C2CD5: variants seen among roughly 807,000 people sequenced by gnomAD.
The protein encoded by C2CD5 is C2 calcium dependent domain containing 5, also known as C2 domain-containing protein 5.
C2CD5 carries 109 observed loss-of-function variants against 130.3 expected under a neutral mutation model. That is an observed-to-expected ratio of 0.84 (90% CI 0.72 to 0.98). C2CD5 has a LOEUF of 0.98. C2CD5 is among the 50% of genes least tolerant of loss of function. The probability of loss-of-function intolerance (pLI) is 0.00; values close to 1 mark genes in which losing one functional copy is unlikely to be tolerated. For synonymous variants in C2CD5, 454 were observed against 429.2 expected (o/e 1.06, Z -0.71); for missense variants, 996 against 1,261.8 (o/e 0.79, Z 3.19).
At chr12:22,474,208 G>A (rs1383572704) in intron 16 of C2CD5, among the ~76,000 whole-genome samples, 1 of 152,120 alleles carries the variant, frequency 6.6e-6, no homozygotes. Flanking sequence ...TTCTACAGGG[G>A]AGTGCAGAGG....
intron 15 of C2CD5, among the ~76,000 whole-genome samples, chr12:22,475,234 A>G (rs1233721115): frequency 6.6e-6 from 1 of 152,162 alleles, no homozygotes; most frequent in Non-Finnish European, 1.5e-5. Context: ...CAGCATTATA[A>G]AAGTCCTAAT....
At chr12:22,534,402 T>C (rs1010778205) in intron 3 of C2CD5, among the ~76,000 whole-genome samples, 3 of 152,184 alleles carry the variant, frequency 2.0e-5, no homozygotes, top group African/African-American at 7.2e-5. Context: ...TTAAAACTTT[T>C]GCGCATCAAA....
At chr12:22,536,182 T>C (rs557959765) in intron 2 of C2CD5, among the ~76,000 whole-genome samples, 2 of 151,700 alleles carry the variant, frequency 1.3e-5, no homozygotes, top group East Asian at 3.9e-4. Flanking sequence ...TAGTTATATG[T>C]CTGTATATGC....
intron 26 of C2CD5, 75 bp from the exon 27 acceptor site, chr12:22,449,966 G>A (rs1938187368): frequency 5.9e-6 from 7 of 1,191,784 alleles, no homozygotes; most frequent in Admixed American, 2.0e-5. Flanking sequence ...AAGGGGCAGT[G>A]CTGTACAGCC....
chr12:22,454,300 CT>C (rs1169639013), intron 25 of C2CD5, among the ~76,000 whole-genome samples: 11 of 152,106 alleles, frequency 7.2e-5, no homozygotes, highest in African/African-American at 2.7e-4. Context: ...TTGCCCATGA[CT>C]AGCTATGATC....
intron 2 of C2CD5, among the ~76,000 whole-genome samples, chr12:22,539,431 T>C (rs1239926861): frequency 1.3e-5 from 2 of 152,180 alleles, no homozygotes; most frequent in African/African-American, 4.8e-5. Context: ...CAAGGATTCA[T>C]CCTGTTTCTC....
chr12:22,521,381 A>T (rs1430180875), intron 7 of C2CD5, among the ~76,000 whole-genome samples: 1 of 152,216 alleles, frequency 6.6e-6, no homozygotes, highest in Non-Finnish European at 1.5e-5. Context: ...ATCCCAGAAG[A>T]TTTACACTAA....
chr12:22,469,303 T>G (rs1942625617), intron 22 of C2CD5, among the ~76,000 whole-genome samples: 1 of 151,712 alleles, frequency 6.6e-6, no homozygotes. Context: ...ATGTATCTTC[T>G]GGAAAAAAAA....
rs183388675 is a variant in C2CD5 at position 22,540,088 on chromosome 12, A to G, written c.90+3973T>C. Reference sequence around the variant, plus strand: ...TCGGGTTTCAATGTACATAATTGTCAAGAACTACAACCATCATGTAAATCA... The same window carrying G: ...TCGGGTTTCAATGTACATAATTGTCGAGAACTACAACCATCATGTAAATCA... On this transcript the variant is annotated intron_variant, in intron 2 of 26. Transcript: ENST00000446597. Among the ~76,000 whole-genome samples, 851 of 152,274 alleles carry G rather than the reference A, an allele frequency of 5.6e-3. 20 individuals are homozygous for G. Among genetic ancestry groups the G allele is most frequent in the Non-Finnish European group, 4.9e-3 (334 of 68,020 alleles).
Position 22,544,321 on chromosome 12 carries a change from G to A in C2CD5, c.-31C>T. ...GTCGCGCCACGGGTCGCCACTCACT[G>A]TCGCAGGAGGAAGGGTGCTGTCCCG... On this transcript the variant is annotated splice_region_variant and 5_prime_UTR_variant, in exon 1 of 27. It introduces an in-frame stop codon into an upstream open reading frame of the 5' UTR. Transcript: ENST00000446597. The A allele has an allele frequency of 1.9e-6, 1 of 535,720 alleles. No individual in the cohort carries two copies. The highest frequency in any genetic ancestry group is 3.2e-6 in the Non-Finnish European group (1 of 310,308). The allele number at this position is 535,720 out of a possible 1,614,324, so 33.2% of individuals were successfully genotyped here.
At chr12:22,466,558 ACT>A (rs1942115456) in intron 22 of C2CD5, among the ~76,000 whole-genome samples, 1 of 152,026 alleles carries the variant, frequency 6.6e-6, no homozygotes, top group Non-Finnish European at 1.5e-5. Context: ...CATTTTTAAG[ACT>A]CTATTATATT....
At position 22,525,627 on chromosome 12, in the gene C2CD5, C is replaced by T; in HGVS notation, c.428G>A (p.Gly143Glu). 1 of 1,546,702 alleles carries T rather than the reference C, an allele frequency of 6.5e-7. No homozygotes were observed. Among genetic ancestry groups the T allele is most frequent in the Non-Finnish European group, 8.9e-7 (1 of 1,119,232 alleles). The change falls in exon 5 of 27, where the codon GGA (glycine) becomes GAA (glutamate). Residue 143 changes from glycine to glutamate, a missense_variant. Physicochemically the swap from Gly to Glu is moderately conservative, Grantham distance 98. Around this residue, in one of 9 missense-constraint regions of C2CD5, gnomAD observed 49 missense variants for 52.0 expected, o/e 0.94. Coordinates refer to ENST00000446597, the MANE Select transcript of C2CD5 (RefSeq NM_001286176.2). Reference sequence around the variant, plus strand: ...TTACTTACTGCAAAAGAATTTGACTCCACATGATGACTGCCTAAATCGATT... The same window carrying T: ...TTACTTACTGCAAAAGAATTTGACTTCACATGATGACTGCCTAAATCGATT... ...DLNRFRQSSC[G>E]VKFFCTTSIP...
intron 10 of C2CD5, among the ~76,000 whole-genome samples, chr12:22,503,853 G>T (rs1245433384): frequency 6.6e-6 from 1 of 151,990 alleles, no homozygotes; most frequent in Non-Finnish European, 1.5e-5. Context: ...AGAACCATTA[G>T]AATAATTACA....
chr12:22,544,153 T>G lies in C2CD5; in HGVS notation c.-3A>C, dbSNP rs749449458. 1.0e-4 allele frequency: 162 copies of G among 1,613,738 alleles called. No homozygotes were observed. Among genetic ancestry groups the G allele is most frequent in the Non-Finnish European group, 1.3e-4 (158 of 1,179,846 alleles). On this transcript the variant is annotated 5_prime_UTR_variant, in exon 2 of 27. Coordinates refer to ENST00000446597, the MANE Select transcript of C2CD5 (RefSeq NM_001286176.2). ...TTCACCTTCAGCTTCCCTGGCATGGTCTCGGTTTCGGCCTCTTCTTGGGCT... is the reference window on the plus strand; with the variant it reads ...TTCACCTTCAGCTTCCCTGGCATGGGCTCGGTTTCGGCCTCTTCTTGGGCT...
At chr12:22,540,569 T>C (rs1034094501) in intron 2 of C2CD5, among the ~76,000 whole-genome samples, 2 of 152,136 alleles carry the variant, frequency 1.3e-5, no homozygotes, top group Admixed American at 6.5e-5. Context: ...ATTAAAATAA[T>C]AACAACAGGC....
chr12:22,474,739 A>G lies in C2CD5; in HGVS notation c.2043+12T>C, dbSNP rs766325601. The G allele has an allele frequency of 5.1e-5, 81 of 1,583,362 alleles. No homozygotes were observed. The highest frequency in any genetic ancestry group is 3.3e-4 in the Admixed American group (18 of 55,252). On this transcript the variant is annotated intron_variant, in intron 16 of 26. Transcript: ENST00000446597. ...CCAAAACCTTTAAGAAATTAGTCCAATGCCACATTACCTCCAAAACAAAAG... is the reference window on the plus strand; with the variant it reads ...CCAAAACCTTTAAGAAATTAGTCCAGTGCCACATTACCTCCAAAACAAAAG...
chr12:22,488,095 A>T (rs1008086334), intron 12 of C2CD5, among the ~76,000 whole-genome samples: 1 of 152,046 alleles, frequency 6.6e-6, no homozygotes, highest in Admixed American at 6.6e-5. Flanking sequence ...CCTAATGTTA[A>T]ATGACGAGTT....
chr12:22,514,001 A>AAACAAAAAACC (rs1364199426), intron 8 of C2CD5, among the ~76,000 whole-genome samples: 1 of 152,236 alleles, frequency 6.6e-6, no homozygotes, highest in African/African-American at 2.4e-5. Flanking sequence ...ACAGACATGT[A>AAACAAAAAACC]ATAGACACAT....
intron 3 of C2CD5, among the ~76,000 whole-genome samples, chr12:22,531,031 G>C (rs990674671): frequency 6.6e-6 from 1 of 151,956 alleles, no homozygotes; most frequent in Non-Finnish European, 1.5e-5. Context: ...GTTATAGTTG[G>C]GGGGGAAAGG....
Sources: gnomAD v4.1 joint callset for allele counts (sites outside exome capture counted in the v4.1 genomes callset) on GRCh38, gnomAD v4.1.1 for gene constraint, gnomAD v4.1.1 regional missense constraint, MANE v1.5 for transcripts, NCBI Gene and HGNC (gene_info 2026-07-23, HGNC 2026-07-21) for gene names.